KCTD9: variants seen among roughly 807,000 people sequenced by gnomAD.
KCTD9 encodes the protein potassium channel tetramerization domain containing 9, also known as BTB/POZ domain-containing protein KCTD9.
A neutral mutation model predicts 53.3 loss-of-function variants in KCTD9; 17 were observed. The ratio of observed to expected loss-of-function variants is 0.32; its 90% CI spans 0.22 to 0.48. The LOEUF is 0.48. Among genes scored for constraint, KCTD9 ranks in the 20% least tolerant of loss-of-function variants. The pLI is 0.99. For missense variants in KCTD9, 179 were observed against 465.5 expected (o/e 0.38, Z 5.66); for synonymous variants, 128 against 162.7 (o/e 0.79, Z 1.62).
chr8:25,441,436 G>A (rs2117410897), intron 3 of KCTD9, among the ~76,000 whole-genome samples: 1 of 152,124 alleles, frequency 6.6e-6, no homozygotes, highest in Non-Finnish European at 1.5e-5. Context: ...TATAGATAAT[G>A]AAAACATGCC....
chr8:25,456,971 G>A (rs572896876), intron 1 of KCTD9, among the ~76,000 whole-genome samples: 1 of 152,274 alleles, frequency 6.6e-6, no homozygotes, highest in African/African-American at 2.4e-5. Flanking sequence ...GTACAGAACA[G>A]GTTTAGAAAA....
At chr8:25,450,380 C>T in intron 1 of KCTD9, 2 of 985,256 alleles carry the variant, frequency 2.0e-6, no homozygotes. Context: ...GGTACATTAC[C>T]TGGCTTACAG....
At chr8:25,435,896 A>G (rs1296372215) in intron 8 of KCTD9, among the ~76,000 whole-genome samples, 2 of 152,208 alleles carry the variant, frequency 1.3e-5, no homozygotes, top group Non-Finnish European at 2.9e-5. Flanking sequence ...TGGTCTTTAC[A>G]ATTTGAAATG....
chr8:25,436,088 C>G (rs954253046), intron 8 of KCTD9, 147 bp downstream of exon 8: 1 of 652,874 alleles, frequency 1.5e-6, no homozygotes, highest in Non-Finnish European at 2.7e-6. Context: ...CATTTCAGAA[C>G]TAAATCAATG....
At chr8:25,439,447 A>G in intron 5 of KCTD9, 40 bp from the exon 6 acceptor site, 2 of 1,576,206 alleles carry the variant, frequency 1.3e-6, no homozygotes, top group South Asian at 1.2e-5. Flanking sequence ...CCCATAAACA[A>G]AAAATAAAGT....
chr8:25,458,178 G>GCCCCCCCCC, intron 1 of KCTD9, 21 bp downstream of exon 1: 1 of 966,598 alleles, frequency 1.0e-6, no homozygotes, highest in Non-Finnish European at 1.4e-6. Flanking sequence ...GGCCCGCCGC[G>GCCCCCCCCC]CCCCCTCACG....
At chr8:25,442,460 G>A (rs756953006) in intron 3 of KCTD9, among the ~76,000 whole-genome samples, 9 of 152,088 alleles carry the variant, frequency 5.9e-5, no homozygotes, top group Non-Finnish European at 1.3e-4. Flanking sequence ...CACAGAACAA[G>A]TTACACATAC....
chr8:25,438,839 C>T (rs1297045720), intron 6 of KCTD9, among the ~76,000 whole-genome samples: 1 of 152,234 alleles, frequency 6.6e-6, no homozygotes, highest in Non-Finnish European at 1.5e-5. Flanking sequence ...AGAATCAAGA[C>T]TCTAATTGAG....
At chr8:25,432,422 T>C (rs1801947926) in intron 11 of KCTD9, 82 bp downstream of exon 11, 3 of 1,256,586 alleles carry the variant, frequency 2.4e-6, no homozygotes, top group Non-Finnish European at 3.4e-6. Flanking sequence ...GCCAACTACT[T>C]TGTTTTGATT....
At chr8:25,434,752 G>A (rs1038406379) in intron 9 of KCTD9, among the ~76,000 whole-genome samples, 3 of 152,026 alleles carry the variant, frequency 2.0e-5, no homozygotes, top group African/African-American at 7.2e-5. Context: ...ATACAGACAC[G>A]GGCCTTGGTG....
intron 1 of KCTD9, among the ~76,000 whole-genome samples, chr8:25,455,811 A>G (rs1802421902): frequency 6.6e-6 from 1 of 152,242 alleles, no homozygotes; most frequent in African/African-American, 2.4e-5. Flanking sequence ...ACCTGAGACC[A>G]GCTGAATGTT....
rs369637266 is a variant in KCTD9 at position 25,439,364 on chromosome 8, A to G, written c.414T>C (p.Ile138=). Residue 138 remains isoleucine (I), a synonymous_variant, in exon 6 of 12, where the codon ATT becomes ATC. Transcript: ENST00000221200. The part of the protein sequence containing the change: ...NKQDHRGAFL[I]DRSPEYFEPI... ...GTTCGAAGTACTCAGGACTTCGGTC[A>G]ATTAAGAAAGCTCCTCTATGATCTT... 4.3e-6 allele frequency: 7 copies of G among 1,613,498 alleles called. No individual in the cohort carries two copies. In the South Asian group the frequency reaches 7.7e-5, roughly 18 times the overall value.
chr8:25,451,160 G>A (rs554518883), intron 1 of KCTD9, among the ~76,000 whole-genome samples: 8 of 152,252 alleles, frequency 5.3e-5, no homozygotes, highest in African/African-American at 1.7e-4. Context: ...ATAAAAAGGA[G>A]TTATGTTGCA....
At chr8:25,441,858 C>T (rs902815858) in intron 3 of KCTD9, among the ~76,000 whole-genome samples, 6 of 151,710 alleles carry the variant, frequency 4.0e-5, no homozygotes, top group African/African-American at 1.2e-4. Flanking sequence ...AAAAATTATC[C>T]GGGCATGGTA....
In KCTD9 at chr8:25,432,917, T is replaced by G. The variant is rs547466525; in HGVS notation, c.920-280A>C. Among the ~76,000 whole-genome samples, 188 of 152,262 alleles carry G rather than the reference T, an allele frequency of 1.2e-3. 1 individual carries two copies. Among genetic ancestry groups the G allele is most frequent in the African/African-American group, 4.4e-3 (183 of 41,556 alleles). ...AGGGAGTGAAGTAGTCTCCTAAATA[T>G]ACAAGTAAACAAAGTGATCAGTCAC... On this transcript the variant is annotated intron_variant, in intron 10 of 11. Transcript: ENST00000221200.
chr8:25,452,855 G>T (rs1586439592), intron 1 of KCTD9, among the ~76,000 whole-genome samples: 1 of 152,174 alleles, frequency 6.6e-6, no homozygotes, highest in East Asian at 1.9e-4. Context: ...GGTTGGAAGA[G>T]AATTATATTG....
At chr8:25,447,606 G>C (rs909363466) in intron 1 of KCTD9, among the ~76,000 whole-genome samples, 1 of 152,164 alleles carries the variant, frequency 6.6e-6, no homozygotes, top group African/African-American at 2.4e-5. Context: ...ACATACGAGT[G>C]TGCAGTTTTT....
intron 3 of KCTD9, among the ~76,000 whole-genome samples, chr8:25,442,077 T>C (rs1170146337): frequency 6.6e-6 from 1 of 152,084 alleles, no homozygotes; most frequent in Non-Finnish European, 1.5e-5. Context: ...AGATCCACCC[T>C]ACATACAATA....
intron 6 of KCTD9, among the ~76,000 whole-genome samples, chr8:25,438,004 A>C (rs1359785081): frequency 1.3e-5 from 2 of 152,152 alleles, no homozygotes; most frequent in African/African-American, 4.8e-5. Context: ...GTTTGGATGG[A>C]AACTGTACTA....
Sources: allele counts gnomAD v4.1 joint callset (sites outside exome capture counted in the v4.1 genomes callset), GRCh38; gene constraint gnomAD v4.1.1; transcripts MANE v1.5; gene names NCBI Gene and HGNC (gene_info 2026-07-23, HGNC 2026-07-21).